Variants in RHOJ observed in about 807,000 individuals in gnomAD.
RHOJ encodes rho-related GTP-binding protein RhoJ.
A neutral mutation model predicts 23.4 loss-of-function variants in RHOJ; 11 were observed. The ratio of observed to expected loss-of-function variants is 0.47; its 90% confidence interval spans 0.30 to 0.78. The LOEUF is 0.78. Among genes scored for constraint, RHOJ ranks in the 30% least tolerant of loss-of-function variants. The probability of loss-of-function intolerance (pLI) is 0.08; values close to 1 mark genes in which losing one functional copy is unlikely to be tolerated. For missense variants in RHOJ, 254 were observed against 273.4 expected (o/e 0.93, Z 0.50); for synonymous variants, 102 against 102.7 (o/e 0.99, Z 0.04).
At position 63,210,839 on chromosome 14, in the gene RHOJ, T is replaced by C. The variant is rs961190958; in HGVS notation, c.178+5792T>C. Among the ~76,000 whole-genome samples, 9 of 152,236 alleles carry C rather than the reference T, an allele frequency of 5.9e-5. No individual in the cohort carries two copies. In the South Asian group the frequency reaches 1.2e-3, roughly 21 times the overall value. On this transcript the variant is annotated intron_variant, in intron 1 of 4. Coordinates refer to ENST00000316754, the MANE Select transcript of RHOJ (RefSeq NM_020663.5). Reference sequence around the variant, plus strand: ...ATAAGCTCATTCCAGCTGAAACCTCTTTACGATGTTCACCATTTCCACCAT... The same window carrying C: ...ATAAGCTCATTCCAGCTGAAACCTCCTTACGATGTTCACCATTTCCACCAT...
At chr14:63,249,256 C>T (rs1226364750) in intron 1 of RHOJ, among the ~76,000 whole-genome samples, 1 of 152,196 alleles carries the variant, frequency 6.6e-6, no homozygotes, top group East Asian at 1.9e-4. Flanking sequence ...ACCAACCCTA[C>T]ACACACATGA....
In RHOJ at chr14:63,290,115, C is replaced by T. The variant is rs948390180; in HGVS notation, c.499-763C>T. On this transcript the variant is annotated intron_variant, in intron 4 of 4. Coordinates refer to ENST00000316754, the MANE Select transcript of RHOJ (RefSeq NM_020663.5). The stretch of plus-strand genomic sequence containing the variant: ...AAAACTAACCCGGCTTGGTGGCACA[C>T]GCCTGTAATCCCAGCTACTTGAGAC... Among the ~76,000 whole-genome samples the T allele has an allele frequency of 7.9e-5, 12 of 152,078 alleles. No homozygotes were observed. The East Asian group carries it at 9.7e-4, about 12-fold the overall frequency.
chr14:63,284,465 T>C, intron 4 of RHOJ: 1 of 552,560 alleles, frequency 1.8e-6, no homozygotes, highest in Non-Finnish European at 2.3e-6. Flanking sequence ...AGCTTACAGA[T>C]GAGGAAACAG....
At chr14:63,277,999 A>G (rs1341366729) in intron 2 of RHOJ, among the ~76,000 whole-genome samples, 1 of 151,918 alleles carries the variant, frequency 6.6e-6, no homozygotes, top group South Asian at 2.1e-4. Context: ...ACACACACAC[A>G]CAGACATAGG....
intron 4 of RHOJ, among the ~76,000 whole-genome samples, chr14:63,285,684 T>G (rs1882059767): frequency 1.3e-5 from 2 of 152,200 alleles, no homozygotes; most frequent in Admixed American, 1.3e-4. Flanking sequence ...ACTGTAGTTT[T>G]TAATCCTCAG....
chr14:63,279,784 A>C (rs1017232946), intron 2 of RHOJ, among the ~76,000 whole-genome samples: 1 of 152,214 alleles, frequency 6.6e-6, no homozygotes, highest in Non-Finnish European at 1.5e-5. Flanking sequence ...ATTTCTTCAA[A>C]TATTGTGGTG....
At chr14:63,231,454 T>C (rs1894693484) in intron 1 of RHOJ, among the ~76,000 whole-genome samples, 1 of 152,252 alleles carries the variant, frequency 6.6e-6, no homozygotes, top group African/African-American at 2.4e-5. Flanking sequence ...TTTTTCCTGG[T>C]TCCATGGGCA....
rs1172208086 is a variant in RHOJ, at chr14:63,283,135, T to G, written c.417T>G (p.Asp139Glu). ...VLIGTQIDLR[D>E]DPKTLARLLY... ...TTTCTTGCCAGATTGATCTCCGTGATGACCCAAAAACCTTGGCCCGTTTGC... is the reference window on the plus strand; with the variant it reads ...TTTCTTGCCAGATTGATCTCCGTGAGGACCCAAAAACCTTGGCCCGTTTGC... The change falls in exon 4 of 5, where the codon GAT becomes GAG. Residue 139 changes from aspartate (D) to glutamate (E), a missense_variant. Physicochemically the swap from Asp to Glu is conservative, Grantham distance 45 (BLOSUM62 2). Transcript: ENST00000316754. 1 of 1,614,018 alleles carries G rather than the reference T, an allele frequency of 6.2e-7. No individual in the cohort carries two copies. The highest frequency in any genetic ancestry group is 8.5e-7 in the Non-Finnish European group (1 of 1,179,856).
chr14:63,267,965 G>A (rs1895397690), intron 1 of RHOJ, among the ~76,000 whole-genome samples: 1 of 152,156 alleles, frequency 6.6e-6, no homozygotes. Flanking sequence ...TATACATGTA[G>A]CCCATGAACC....
intron 4 of RHOJ, among the ~76,000 whole-genome samples, chr14:63,289,715 A>T (rs1318155810): frequency 1.3e-5 from 2 of 152,176 alleles, no homozygotes; most frequent in African/African-American, 4.8e-5. Context: ...GAATTTCTAT[A>T]TTTCTCATGA....
chr14:63,210,229 G>A (rs192658570), intron 1 of RHOJ, among the ~76,000 whole-genome samples: 158 of 152,082 alleles, frequency 1.0e-3, no homozygotes, highest in African/African-American at 3.7e-3. Context: ...CAAAGTGCTG[G>A]GATTACAGGC....
intron 1 of RHOJ, among the ~76,000 whole-genome samples, chr14:63,259,876 A>G (rs972551592): frequency 3.9e-5 from 6 of 152,242 alleles, no homozygotes; most frequent in Non-Finnish European, 1.5e-5. Flanking sequence ...GAAATAAATA[A>G]AGGGAAAAAC....
intron 1 of RHOJ, among the ~76,000 whole-genome samples, chr14:63,226,966 T>G (rs1429048533): frequency 6.6e-6 from 1 of 152,196 alleles, no homozygotes; most frequent in Non-Finnish European, 1.5e-5. Context: ...AGTATTTTTT[T>G]TTAAGACAGA....
Position 63,281,011 on chromosome 14 carries a change from C to T in RHOJ, c.278C>T (p.Thr93Met), listed in dbSNP as rs758753527. ...NQLRPLSYPN[T>M]DVFLICFSVV... ...CTGAGGCCACTCTCCTACCCCAACA[C>T]GGATGTGTTTTTGATCTGCTTCTCT... Residue 93 changes from threonine (T) to methionine (M), a missense_variant, in exon 3 of 5, where the codon ACG becomes ATG. By Grantham distance (81) the Thr-to-Met change is moderately conservative. Transcript: ENST00000316754. 6 of 1,614,082 alleles carry T rather than the reference C, an allele frequency of 3.7e-6. No homozygotes were observed. Among genetic ancestry groups the T allele is most frequent in the Middle Eastern group, 1.6e-4 (1 of 6,062 alleles).
At chr14:63,225,344 A>T (rs1454011297) in intron 1 of RHOJ, among the ~76,000 whole-genome samples, 1 of 152,202 alleles carries the variant, frequency 6.6e-6, no homozygotes, top group Non-Finnish European at 1.5e-5. Flanking sequence ...GCTTTCCAGG[A>T]GAGGGTTATA....
Position 63,292,420 on chromosome 14 carries a change from C to T in RHOJ, c.*1396C>T, listed in dbSNP as rs1418233719. The T allele has an allele frequency of 1.3e-5, 2 of 152,106 alleles. No individual in the cohort carries two copies. Among genetic ancestry groups the T allele is most frequent in the Admixed American group, 6.5e-5 (1 of 15,270 alleles). 9.4% of individuals were successfully genotyped at this position (152,106 alleles called of 1,614,324 possible). ...ATCCAGGAATTTTTGTATCATAGAGCGAATTACTTCCTATCTTTTCATTAG... is the reference window on the plus strand; with the variant it reads ...ATCCAGGAATTTTTGTATCATAGAGTGAATTACTTCCTATCTTTTCATTAG... On this transcript the variant is annotated 3_prime_UTR_variant, in exon 5 of 5. Coordinates refer to ENST00000316754, the MANE Select transcript of RHOJ (RefSeq NM_020663.5).
chr14:63,271,503 G>C (rs1441317393), intron 2 of RHOJ, among the ~76,000 whole-genome samples: 2 of 152,234 alleles, frequency 1.3e-5, no homozygotes, highest in Non-Finnish European at 2.9e-5. Flanking sequence ...TGTAGGGCTT[G>C]TCAAAACTCA....
intron 1 of RHOJ, among the ~76,000 whole-genome samples, chr14:63,240,060 G>C (rs1050638578): frequency 2.0e-5 from 3 of 152,144 alleles, no homozygotes; most frequent in African/African-American, 7.2e-5. Context: ...TAAATACTCT[G>C]TAAATATGGT....
intron 1 of RHOJ, among the ~76,000 whole-genome samples, chr14:63,209,047 C>A (rs938007706): frequency 6.6e-6 from 1 of 152,106 alleles, no homozygotes; most frequent in African/African-American, 2.4e-5. Flanking sequence ...CCATTTAAAC[C>A]ATTAGTTATC....
Sources: gnomAD v4.1 joint callset for allele counts (sites outside exome capture counted in the v4.1 genomes callset) on GRCh38, gnomAD v4.1.1 for gene constraint, MANE v1.5 for transcripts, NCBI Gene and HGNC (gene_info 2026-07-23, HGNC 2026-07-21) for gene names.